The following DTNA variants were observed in gnomAD, a reference collection of about 807,000 sequenced individuals.
DTNA encodes dystrophin-related protein 3.
A neutral mutation model predicts 100.7 loss-of-function variants in DTNA; 43 were observed. That is an observed-to-expected ratio of 0.43 (90% CI 0.33 to 0.55). The LOEUF (loss-of-function observed/expected upper bound fraction) is 0.55. Among genes scored for constraint, DTNA ranks in the 20% least tolerant of loss-of-function variants. The pLI, the probability that DTNA is intolerant of heterozygous loss-of-function variation, is 0.04. For missense variants in DTNA, 798 were observed against 953.9 expected, an observed-to-expected ratio of 0.84 and a Z score of 2.15; for synonymous variants, 349 against 347.9, an observed-to-expected ratio of 1.00 and a Z score of -0.04.
chr18:34,720,668 G>C (rs1314683051), intron 1 of DTNA, among the ~76,000 whole-genome samples: 4 of 152,208 alleles, frequency 2.6e-5, no homozygotes, highest in Admixed American at 6.5e-5. Flanking sequence ...AATGTCACTG[G>C]GCAAGTGTGC....
chr18:34,740,284 G>T (rs2090387120), intron 1 of DTNA, among the ~76,000 whole-genome samples: 2 of 152,148 alleles, frequency 1.3e-5, no homozygotes, highest in African/African-American at 4.8e-5. Flanking sequence ...TGAAGTGGTG[G>T]CTGCTTGTCT....
intron 1 of DTNA, among the ~76,000 whole-genome samples, chr18:34,500,631 T>C (rs2039806183): frequency 6.6e-6 from 1 of 151,516 alleles, no homozygotes. Context: ...GCCCAGCTAA[T>C]TTTTGTATTT....
At chr18:34,690,086 T>C (rs977308564) in intron 1 of DTNA, among the ~76,000 whole-genome samples, 27 of 152,204 alleles carry the variant, frequency 1.8e-4, no homozygotes, top group African/African-American at 6.5e-4. Flanking sequence ...TGGGTTTCTT[T>C]GGGGTGGGAT....
rs2096208607 is a variant in DTNA at position 34,838,798 on chromosome 18, T to C, written c.1307T>C (p.Ile436Thr). 1.2e-6 allele frequency: 2 copies of C among 1,613,804 alleles called. No individual in the cohort carries two copies. Among genetic ancestry groups the C allele is most frequent in the Non-Finnish European group, 1.7e-6 (2 of 1,179,794 alleles). The change falls in exon 13 of 23, where the codon ATC becomes ACC. Residue 436 changes from isoleucine to threonine, a missense_variant. Transcript: ENST00000444659. ...AGGCTAGCTGATGAACATGTTCTCA[T>C]CGGGTTGTATGTCAACATGCTCCGG... ...ADRLADEHVL[I>T]GLYVNMLRNN... is the part of the protein sequence containing the mutation.
intron 1 of DTNA, among the ~76,000 whole-genome samples, chr18:34,666,198 C>T (rs1269912958): frequency 6.6e-6 from 1 of 151,956 alleles, no homozygotes; most frequent in African/African-American, 2.4e-5. Flanking sequence ...TTTCATGTGT[C>T]TGTTGGCTGC....
In DTNA at chr18:34,851,838, C is replaced by A. The variant is rs1354941224; in HGVS notation, c.1442C>A (p.Pro481His). ...AAACTACATATTTTACAGCAGCCACCTCAGCAGAGAAGTGCTCCTGACATC... is the reference window on the plus strand; with the variant it reads ...AAACTACATATTTTACAGCAGCCACATCAGCAGAGAAGTGCTCCTGACATC... ...LAAESSSSQP[P>H]QQRSAPDISF... Residue 481 changes from proline (P) to histidine (H), a missense_variant, in exon 15 of 23, where the codon CCT (proline) becomes CAT (histidine). Physicochemically the swap from Pro to His is moderately conservative, Grantham distance 77. Coordinates refer to ENST00000444659, the MANE Select transcript of DTNA (RefSeq NM_001386795.1). The A allele has an allele frequency of 6.2e-7, 1 of 1,614,000 alleles. No individual in the cohort carries two copies. Among genetic ancestry groups the A allele is most frequent in the Non-Finnish European group, 8.5e-7 (1 of 1,179,898 alleles).
chr18:34,541,322 G>A (rs1371474980), intron 1 of DTNA, among the ~76,000 whole-genome samples: 1 of 152,040 alleles, frequency 6.6e-6, no homozygotes, highest in Non-Finnish European at 1.5e-5. Context: ...GAGCAAGAAT[G>A]TGATGGGAAC....
chr18:34,667,103 C>T (rs1393152514), intron 1 of DTNA, among the ~76,000 whole-genome samples: 1 of 152,136 alleles, frequency 6.6e-6, no homozygotes, highest in Non-Finnish European at 1.5e-5. Flanking sequence ...TTTCATTGAG[C>T]AGTGATTTGT....
intron 1 of DTNA, among the ~76,000 whole-genome samples, chr18:34,617,093 C>G (rs2055452048): frequency 6.6e-6 from 1 of 152,060 alleles, no homozygotes; most frequent in Non-Finnish European, 1.5e-5. Context: ...TCCTCTCTTT[C>G]TGTTTGGATG....
rs2095837671 is a variant in DTNA, at chr18:34,825,402, C to A, written c.1002-2191C>A. ...GAACTAAGTCTTCTTATGCTGTACA[C>A]TCAGTTCACAAGGATGCCACTTATA... On this transcript the variant is annotated intron_variant, in intron 9 of 22. Transcript: ENST00000444659. 6.7e-6 allele frequency: 8 copies of A among 1,192,246 alleles called. No individual in the cohort carries two copies. The South Asian group carries it at 9.8e-5, about 15-fold the overall frequency. The allele number at this position is 1,192,246 out of a possible 1,614,324, so 73.9% of individuals were successfully genotyped here.
chr18:34,891,159 C>T lies in DTNA; in HGVS notation c.*3425C>T, dbSNP rs1462932906. The T allele has an allele frequency of 3.3e-5, 5 of 152,300 alleles. No homozygotes were observed. Among genetic ancestry groups the T allele is most frequent in the Admixed American group, 3.3e-4 (5 of 15,268 alleles). 9.4% of individuals were successfully genotyped at this position (152,300 alleles called of 1,614,324 possible). A position where few individuals can be genotyped will look rare whatever the true frequency, so the allele number is the denominator to read the frequency against. ...AATTATGACTACTGCAATTTGACACCATTTGAAATAATCAATTCAGAGACA... is the reference window on the plus strand; with the variant it reads ...AATTATGACTACTGCAATTTGACACTATTTGAAATAATCAATTCAGAGACA... On this transcript the variant is annotated 3_prime_UTR_variant, in exon 23 of 23. Transcript: ENST00000444659.
chr18:34,710,659 A>AGT (rs1045449373), intron 1 of DTNA, among the ~76,000 whole-genome samples: 15 of 145,942 alleles, frequency 1.0e-4, no homozygotes, highest in African/African-American at 3.2e-4. Flanking sequence ...GTTTTATGGC[A>AGT]GTGTGTGTGT....
intron 1 of DTNA, among the ~76,000 whole-genome samples, chr18:34,582,651 C>T (rs1018992716): frequency 6.6e-6 from 1 of 152,122 alleles, no homozygotes; most frequent in African/African-American, 2.4e-5. Flanking sequence ...CAAGAATAAC[C>T]TGTGTTTCTC....
chr18:34,497,617 A>G (rs867093041), intron 1 of DTNA, among the ~76,000 whole-genome samples: 48 of 152,268 alleles, frequency 3.2e-4, no homozygotes, highest in Admixed American at 9.8e-4. Flanking sequence ...TCAGAATCTT[A>G]CTGCTGAATT....
chr18:34,653,403 T>C (rs965196763), intron 1 of DTNA, among the ~76,000 whole-genome samples: 6 of 152,082 alleles, frequency 3.9e-5, no homozygotes, highest in Non-Finnish European at 5.9e-5. Flanking sequence ...TAGTGACTAC[T>C]AGAATTGAAT....
At chr18:34,548,062 A>T (rs1345199282) in intron 1 of DTNA, among the ~76,000 whole-genome samples, 1 of 152,180 alleles carries the variant, frequency 6.6e-6, no homozygotes, top group Non-Finnish European at 1.5e-5. Flanking sequence ...GAAGCTGGGG[A>T]AACCTTTTAC....
At chr18:34,818,988 G>A (rs774490884) in intron 8 of DTNA, among the ~76,000 whole-genome samples, 50 of 152,154 alleles carry the variant, frequency 3.3e-4, no homozygotes, top group Non-Finnish European at 5.0e-4. Context: ...TGTGCTCACT[G>A]TTCAAATGGA....
At chr18:34,765,014 G>A (rs924872384) in intron 2 of DTNA, among the ~76,000 whole-genome samples, 1 of 152,166 alleles carries the variant, frequency 6.6e-6, no homozygotes, top group African/African-American at 2.4e-5. Flanking sequence ...GATGTAACAA[G>A]CAGCCCATCT....
chr18:34,780,072 TTACTTA>T (rs1412262797), intron 3 of DTNA, among the ~76,000 whole-genome samples: 1 of 149,458 alleles, frequency 6.7e-6, no homozygotes, highest in Non-Finnish European at 1.5e-5. Context: ...GAAAAAGGGG[TTACTTA>T]TAATTATGGT....
Sources: allele counts gnomAD v4.1 joint callset (sites outside exome capture counted in the v4.1 genomes callset), GRCh38; gene constraint gnomAD v4.1.1; transcripts MANE v1.5; gene names NCBI Gene and HGNC (gene_info 2026-07-23, HGNC 2026-07-21).